KLHL12: variants seen among roughly 807,000 people sequenced by gnomAD.
KLHL12 encodes the protein kelch like family member 12, also known as kelch-like protein 12.
Under a neutral mutation model 60.8 loss-of-function variants are expected in KLHL12, and 17 were observed. That is an observed-to-expected ratio of 0.28 (90% CI 0.19 to 0.42). The LOEUF (loss-of-function observed/expected upper bound fraction) is 0.42, where lower values mean the gene tolerates loss of function less well. Among genes scored for constraint, KLHL12 ranks in the 10% least tolerant of loss-of-function variants. The pLI is 1.00. For missense variants in KLHL12, 468 were observed against 722.3 expected, an observed-to-expected ratio of 0.65 and a Z score of 4.04; for synonymous variants, 220 against 250.9, an observed-to-expected ratio of 0.88 and a Z score of 1.16.
At position 202,918,202 on chromosome 1, in the gene KLHL12, ACCT is replaced by A. The variant is rs1266300291; in HGVS notation, c.533_535del (p.Glu178del). 6.2e-7 allele frequency: 1 copy of A among 1,613,858 alleles called. No homozygotes were observed. Among genetic ancestry groups the A allele is most frequent in the Non-Finnish European group, 8.5e-7 (1 of 1,179,948 alleles). On this transcript the variant is annotated inframe_deletion, in exon 4 of 12. Coordinates refer to ENST00000367261, the MANE Select transcript of KLHL12 (RefSeq NM_021633.4). ...TTCGTCGCACTTGATTAGCTTTTCC[ACCT>A]CTCCTTGACTCAGAAGAATGAACTC...
intron 6 of KLHL12, among the ~76,000 whole-genome samples, chr1:202,902,505 T>C (rs1421712502): frequency 6.6e-6 from 1 of 152,132 alleles, no homozygotes; most frequent in Non-Finnish European, 1.5e-5. Flanking sequence ...CTGATGTTTT[T>C]CATTTTCCAA....
rs907881342 is a variant in KLHL12, at chr1:202,891,218, C to T, written c.*1315G>A. On this transcript the variant is annotated 3_prime_UTR_variant, in exon 12 of 12. Transcript: ENST00000367261. ...AGGGAAAGAGGGAAAAATGGAATTTCAGAGCAAAGGTTGTTTAGGTTATCA... is the reference window on the plus strand; with the variant it reads ...AGGGAAAGAGGGAAAAATGGAATTTTAGAGCAAAGGTTGTTTAGGTTATCA... The T allele has an allele frequency of 6.6e-6, 1 of 152,494 alleles. No individual in the cohort carries two copies. The highest frequency in any genetic ancestry group is 1.5e-5 in the Non-Finnish European group (1 of 68,006). 9.4% of individuals were successfully genotyped at this position (152,494 alleles called of 1,614,324 possible).
intron 6 of KLHL12, among the ~76,000 whole-genome samples, chr1:202,900,830 C>T (rs1436208098): frequency 6.6e-6 from 1 of 152,122 alleles, no homozygotes; most frequent in African/African-American, 2.4e-5. Context: ...CACCACTGCA[C>T]TCCAGCCTAG....
At chr1:202,906,722 T>G (rs1273013115) in intron 6 of KLHL12, among the ~76,000 whole-genome samples, 2 of 152,064 alleles carry the variant, frequency 1.3e-5, no homozygotes, top group Non-Finnish European at 2.9e-5. Context: ...AGTACAATGG[T>G]GCAATCTTGG....
intron 2 of KLHL12, among the ~76,000 whole-genome samples, chr1:202,920,753 G>A (rs778314462): frequency 1.7e-4 from 26 of 152,084 alleles, no homozygotes; most frequent in Non-Finnish European, 2.2e-4. Context: ...TTATCTATAC[G>A]CCAGGAATAA....
intron 4 of KLHL12, among the ~76,000 whole-genome samples, chr1:202,915,511 T>C (rs566797048): frequency 1.3e-5 from 2 of 152,242 alleles, no homozygotes; most frequent in Non-Finnish European, 2.9e-5. Flanking sequence ...AAGCTGTTTT[T>C]CATTTAAGCT....
chr1:202,903,629 C>CTTTTTTTTTTTTTTTT lies in KLHL12; in HGVS notation c.832+5380_832+5381insAAAAAAAAAAAAAAAA, dbSNP rs1220119536. On this transcript the variant is annotated intron_variant, in intron 6 of 11. Transcript: ENST00000367261. ...CTGGGACCACTAATTTTTTTCTTTT[C>CTTTTTTTTTTTTTTTT]TTTTTTTTTTTGAAACGGCGTCTTG... Among the ~76,000 whole-genome samples, 621 of 75,978 alleles carry CTTTTTTTTTTTTTTTT rather than the reference C, an allele frequency of 8.2e-3. 124 individuals are homozygous for CTTTTTTTTTTTTTTTT. The highest frequency in any genetic ancestry group is 0.019 in the Middle Eastern group (2 of 106). 49.8% of individuals were successfully genotyped at this position (75,978 alleles called of 152,430 possible).
Position 202,895,321 on chromosome 1 carries a change from G to C in KLHL12, c.1135+201C>G, listed in dbSNP as rs1440279043. Among the ~76,000 whole-genome samples, 2 of 152,100 alleles carry C rather than the reference G, an allele frequency of 1.3e-5. No individual in the cohort carries two copies. The highest frequency in any genetic ancestry group is 4.8e-5 in the African/African-American group (2 of 41,402). ...GGTGGGAGGATCGCTTGAGCTTGGGGAGGTTGAGGCTGCAGTGAGCCGTGA... is the reference window on the plus strand; with the variant it reads ...GGTGGGAGGATCGCTTGAGCTTGGGCAGGTTGAGGCTGCAGTGAGCCGTGA... On this transcript the variant is annotated intron_variant, in intron 8 of 11. Transcript: ENST00000367261. The surrounding 1 kb of genome is among the most constrained non-coding windows in gnomAD (Gnocchi z 4.2).
intron 4 of KLHL12, among the ~76,000 whole-genome samples, chr1:202,913,527 G>C (rs1411694599): frequency 1.3e-5 from 2 of 152,178 alleles, no homozygotes; most frequent in Non-Finnish European, 2.9e-5. Context: ...AATCAGATAT[G>C]GTGAACAAAT....
intron 9 of KLHL12, 130 bp from the exon 10 acceptor site, chr1:202,894,412 G>T (rs930094764): frequency 1.1e-6 from 1 of 880,116 alleles, no homozygotes; most frequent in Non-Finnish European, 1.8e-6. Flanking sequence ...AACTCTAAGA[G>T]AAATCTGACA....
At chr1:202,912,545 T>C in intron 4 of KLHL12, 2 of 1,058,148 alleles carry the variant, frequency 1.9e-6, no homozygotes, top group South Asian at 2.5e-5. Context: ...TGGTGGAAGC[T>C]ACAGTGATTT....
At chr1:202,897,492 G>A (rs1659878085) in intron 6 of KLHL12, among the ~76,000 whole-genome samples, 1 of 151,886 alleles carries the variant, frequency 6.6e-6, no homozygotes, top group Non-Finnish European at 1.5e-5. Context: ...CCAAAGTGCT[G>A]GGATTACAGG....
intron 4 of KLHL12, chr1:202,912,486 G>GT (rs1660395013): frequency 1.1e-6 from 1 of 930,298 alleles, no homozygotes; most frequent in African/African-American, 1.6e-5. Context: ...TATGGTGGCA[G>GT]TGAGGATGGC....
chr1:202,905,134 G>A (rs1450186113), intron 6 of KLHL12, among the ~76,000 whole-genome samples: 1 of 152,098 alleles, frequency 6.6e-6, no homozygotes, highest in Admixed American at 6.6e-5. Context: ...TAGAACTTCT[G>A]AAAAATAACC....
chr1:202,919,920 A>C lies in KLHL12; in HGVS notation c.196-12T>G, dbSNP rs751141092. On this transcript the variant is annotated splice_polypyrimidine_tract_variant and intron_variant, in intron 2 of 11. Coordinates refer to ENST00000367261, the MANE Select transcript of KLHL12 (RefSeq NM_021633.4). ...CCCTTCTCTGAGAGCTGAAAATTCA[A>C]AAGGTATAAAAGAATGATGGTTATA... 8 of 1,609,220 alleles carry C rather than the reference A, an allele frequency of 5.0e-6. No individual in the cohort carries two copies. Among genetic ancestry groups the C allele is most frequent in the Non-Finnish European group, 6.8e-6 (8 of 1,176,244 alleles).
upstream of KLHL12, chr1:202,927,399 T>C: frequency 1.3e-5 from 6 of 447,262 alleles, no homozygotes; most frequent in Non-Finnish European, 1.8e-5. Context: ...AAAGGTCGGG[T>C]GGGCAGGGAA....
upstream of KLHL12, among the ~76,000 whole-genome samples, chr1:202,927,981 TAA>T (rs375809629): frequency 8.7e-5 from 9 of 103,656 alleles, no homozygotes; most frequent in Admixed American, 3.3e-4. Flanking sequence ...CTCTGTCTCT[TAA>T]AAAAAAAAAA....
chr1:202,894,344 T>C, intron 9 of KLHL12, 62 bp from the exon 10 acceptor site: 2 of 1,127,220 alleles, frequency 1.8e-6, no homozygotes, highest in Non-Finnish European at 2.6e-6. Flanking sequence ...CTGGTCGGTT[T>C]TTTTCTGAGT....
At chr1:202,898,479 A>G (rs534282758) in intron 6 of KLHL12, among the ~76,000 whole-genome samples, 1 of 152,326 alleles carries the variant, frequency 6.6e-6, no homozygotes, top group Admixed American at 6.5e-5. Context: ...AAGCCAATAT[A>G]TTACTATGAG....
Sources: allele counts gnomAD v4.1 joint callset (sites outside exome capture counted in the v4.1 genomes callset), GRCh38; gene constraint gnomAD v4.1.1; non-coding constraint Gnocchi (gnomAD v3.1); transcripts MANE v1.5; gene names NCBI Gene and HGNC (gene_info 2026-07-23, HGNC 2026-07-21).